The following EPHA4 variants were observed in gnomAD, a reference collection of about 807,000 sequenced individuals.
The protein encoded by EPHA4 is ephrin type-A receptor 4.
A neutral mutation model predicts 108.3 loss-of-function variants in EPHA4; 19 were observed. The observed-to-expected ratio is 0.18, with a 90% CI of 0.12 to 0.26. The LOEUF (loss-of-function observed/expected upper bound fraction) is 0.26, where lower values mean the gene tolerates loss of function less well. Among genes scored for constraint, EPHA4 ranks in the 10% least tolerant of loss-of-function variants. The pLI, the probability that EPHA4 is intolerant of heterozygous loss-of-function variation, is 1.00. For synonymous variants in EPHA4, 449 were observed against 455.5 expected, an observed-to-expected ratio of 0.99 and a Z score of 0.18; for missense variants, 917 against 1,254.0, an observed-to-expected ratio of 0.73 and a Z score of 4.06.
chr2:221,501,735 G>A (rs62180589), intron 3 of EPHA4, among the ~76,000 whole-genome samples: 21,523 of 152,018 alleles, frequency 0.14, 1,936 homozygotes, highest in East Asian at 0.26. Context: ...AAAAAACCGG[G>A]TGGTGATTAT....
At chr2:221,497,059 G>T (rs1482459516) in intron 4 of EPHA4, among the ~76,000 whole-genome samples, 1 of 31,336 alleles carries the variant, frequency 3.2e-5, no homozygotes, top group Non-Finnish European at 5.4e-5. Flanking sequence ...ATTTAATTAT[G>T]CACGCAAGGG....
chr2:221,469,555 A>G (rs1200409670), intron 5 of EPHA4, among the ~76,000 whole-genome samples: 1 of 152,168 alleles, frequency 6.6e-6, no homozygotes, highest in East Asian at 1.9e-4. Flanking sequence ...CAAGGGGCTG[A>G]ATTCCTTGGC....
At chr2:221,495,581 T>A (rs1436135205) in intron 4 of EPHA4, among the ~76,000 whole-genome samples, 4 of 152,194 alleles carry the variant, frequency 2.6e-5, no homozygotes, top group African/African-American at 9.7e-5. Flanking sequence ...CGATGGTGCT[T>A]CCATAGAAAC....
At chr2:221,501,731 C>T (rs1692494381) in intron 3 of EPHA4, among the ~76,000 whole-genome samples, 1 of 152,074 alleles carries the variant, frequency 6.6e-6, no homozygotes, top group Non-Finnish European at 1.5e-5. Flanking sequence ...GACAAAAAAA[C>T]CGGGTGGTGA....
intron 3 of EPHA4, among the ~76,000 whole-genome samples, chr2:221,540,637 T>C (rs1439629326): frequency 6.6e-6 from 1 of 152,150 alleles, no homozygotes; most frequent in African/African-American, 2.4e-5. Flanking sequence ...AACCTCAGAA[T>C]TATAAGGGAC....
intron 8 of EPHA4, among the ~76,000 whole-genome samples, chr2:221,447,821 T>TTTTTTTTATTTATTTATTTA: frequency 6.8e-6 from 1 of 147,560 alleles, no homozygotes; most frequent in Non-Finnish European, 1.5e-5. Flanking sequence ...AAGGGTCTAT[T>TTTTTTTTATTTATTTATTTA]TTTATTTATT....
At chr2:221,566,954 AGGG>A (rs71050342) in intron 2 of EPHA4, among the ~76,000 whole-genome samples, 2,164 of 43,282 alleles carry the variant, frequency 0.05, 675 homozygotes, top group African/African-American at 0.11. Context: ...GAGAAGGAGA[AGGG>A]GAAGAGGAAG....
At chr2:221,522,758 ATTATTATTATTATTATTT>A (rs748417250) in intron 3 of EPHA4, among the ~76,000 whole-genome samples, 5,128 of 56,844 alleles carry the variant, frequency 0.09, 111 homozygotes, top group Non-Finnish European at 0.11. Context: ...TATTATTATT[ATTATTATTATTATTATTT>A]TTTTGAGACG....
At chr2:221,440,151 G>A (rs1690373533) in intron 11 of EPHA4, among the ~76,000 whole-genome samples, 1 of 152,174 alleles carries the variant, frequency 6.6e-6, no homozygotes, top group Non-Finnish European at 1.5e-5. Context: ...GGGATGCAGT[G>A]GGGAGGAAAG....
In EPHA4 at chr2:221,572,163, T is replaced by C. The variant is rs1279318910; in HGVS notation, c.86A>G (p.Asn29Ser). 1.2e-6 allele frequency: 2 copies of C among 1,613,624 alleles called. No homozygotes were observed. The highest frequency in any genetic ancestry group is 1.7e-6 in the Non-Finnish European group (2 of 1,179,554). The change falls in exon 1 of 18, where the codon AAT becomes AGT. Residue 29 changes from asparagine (N) to serine (S), a missense_variant. Coordinates refer to ENST00000281821, the MANE Select transcript of EPHA4 (RefSeq NM_004438.5). ...AVTGSRVYPA[N>S]EVTLLDSRSV... is the part of the protein sequence containing the mutation. ...AAAGGCCGTCCCGCTCTTACCTTCATTCGCGGGGTATACCCTGGAACCTGT... is the reference window on the plus strand; with the variant it reads ...AAAGGCCGTCCCGCTCTTACCTTCACTCGCGGGGTATACCCTGGAACCTGT...
chr2:221,568,615 ACCC>A, intron 2 of EPHA4, 100 bp downstream of exon 2: 1 of 838,248 alleles, frequency 1.2e-6, no homozygotes, highest in African/African-American at 1.7e-5. Flanking sequence ...CGGAAATCTG[ACCC>A]CCTCACCACA....
intron 4 of EPHA4, among the ~76,000 whole-genome samples, chr2:221,491,738 G>A (rs891437083): frequency 3.3e-5 from 5 of 152,238 alleles, no homozygotes; most frequent in African/African-American, 1.2e-4. Context: ...CTGTGCAAGA[G>A]AGTGGCTAGG....
At chr2:221,444,738 T>C (rs1348278103) in intron 9 of EPHA4, among the ~76,000 whole-genome samples, 3 of 142,816 alleles carry the variant, frequency 2.1e-5, no homozygotes, top group Non-Finnish European at 3.0e-5. Context: ...CTCTCTTTTT[T>C]TCTATCTTTT....
At chr2:221,550,987 A>G (rs961143682) in intron 3 of EPHA4, among the ~76,000 whole-genome samples, 10 of 152,164 alleles carry the variant, frequency 6.6e-5, no homozygotes, top group Admixed American at 2.0e-4. Context: ...TGATATTAAG[A>G]AAATAGATCT....
At chr2:221,430,686 T>C (rs928402163) in intron 14 of EPHA4, among the ~76,000 whole-genome samples, 1 of 152,164 alleles carries the variant, frequency 6.6e-6, no homozygotes, top group African/African-American at 2.4e-5. Flanking sequence ...GCCCAGCCAT[T>C]TTTTCTTTTG....
intron 4 of EPHA4, among the ~76,000 whole-genome samples, chr2:221,499,909 C>T (rs888847720): frequency 1.3e-5 from 2 of 150,986 alleles, no homozygotes; most frequent in Non-Finnish European, 3.0e-5. Flanking sequence ...AGGCACCACC[C>T]ACCATGCCAG....
chr2:221,558,212 A>G (rs1191692105), intron 3 of EPHA4, among the ~76,000 whole-genome samples: 1 of 152,206 alleles, frequency 6.6e-6, no homozygotes, highest in Admixed American at 6.6e-5. Context: ...ATATGGCTAT[A>G]TTTGAGTTGC....
chr2:221,442,593 A>G (rs920081894), intron 11 of EPHA4, among the ~76,000 whole-genome samples: 1 of 152,194 alleles, frequency 6.6e-6, no homozygotes, highest in Non-Finnish European at 1.5e-5. Context: ...CATACCACAA[A>G]TCTGCAATAT....
chr2:221,446,557 GTA>G (rs1690600065), intron 8 of EPHA4, among the ~76,000 whole-genome samples: 1 of 151,920 alleles, frequency 6.6e-6, no homozygotes, highest in African/African-American at 2.4e-5. Flanking sequence ...GTACATGTGT[GTA>G]TATGTATATA....
Sources: allele counts gnomAD v4.1 joint callset (sites outside exome capture counted in the v4.1 genomes callset), GRCh38; gene constraint gnomAD v4.1.1; transcripts MANE v1.5; gene names NCBI Gene and HGNC (gene_info 2026-07-23, HGNC 2026-07-21).